The following MAP3K13 variants were observed in gnomAD, a reference collection of about 807,000 sequenced individuals.
MAP3K13 encodes mitogen-activated protein kinase kinase kinase 13, also known as leucine zipper-bearing kinase.
In MAP3K13, 52 loss-of-function variants were observed where a neutral mutation model predicts 104.0. The ratio of observed to expected loss-of-function variants is 0.50; its 90% CI spans 0.40 to 0.63. The LOEUF (loss-of-function observed/expected upper bound fraction) is 0.63. Among genes scored for constraint, MAP3K13 ranks in the 20% least tolerant of loss-of-function variants. The pLI is 0.00. For missense variants in MAP3K13, 914 were observed against 1,218.5 expected, an observed-to-expected ratio of 0.75 and a Z score of 3.72; for synonymous variants, 394 against 442.2, an observed-to-expected ratio of 0.89 and a Z score of 1.37.
chr3:185,399,281 A>T (rs931732875), intron 1 of MAP3K13, among the ~76,000 whole-genome samples: 1 of 152,058 alleles, frequency 6.6e-6, no homozygotes, highest in Non-Finnish European at 1.5e-5. Context: ...ATGGGTCCAT[A>T]AAATTTGTAA....
intron 2 of MAP3K13, among the ~76,000 whole-genome samples, chr3:185,324,034 G>A (rs985859584): frequency 3.3e-5 from 5 of 151,728 alleles, no homozygotes; most frequent in African/African-American, 7.3e-5. Context: ...TTTTTGAGAC[G>A]GAGTCTTGCT....
At chr3:185,455,299 G>T (rs866696052) in intron 7 of MAP3K13, among the ~76,000 whole-genome samples, 859 of 65,532 alleles carry the variant, frequency 0.013, 248 homozygotes, top group Middle Eastern at 0.075. Flanking sequence ...ATATATATGA[G>T]ATATATATGA....
At chr3:185,297,625 C>T (rs910500166) in intron 2 of MAP3K13, among the ~76,000 whole-genome samples, 4 of 151,836 alleles carry the variant, frequency 2.6e-5, no homozygotes, top group Middle Eastern at 3.2e-3. Flanking sequence ...ATCCCAGCTA[C>T]TCGGGAGACT....
At chr3:185,316,082 C>G (rs1286393561) in intron 2 of MAP3K13, among the ~76,000 whole-genome samples, 1 of 151,936 alleles carries the variant, frequency 6.6e-6, no homozygotes, top group African/African-American at 2.4e-5. Flanking sequence ...ACATAAAAAC[C>G]TTTGCATTGA....
chr3:185,350,556 A>G (rs577781957), intron 2 of MAP3K13, among the ~76,000 whole-genome samples: 26 of 152,284 alleles, frequency 1.7e-4, no homozygotes, highest in African/African-American at 6.0e-4. Flanking sequence ...GCTTGGGTCC[A>G]TGTTTCTTGT....
rs565971745 is a variant in MAP3K13 at position 185,379,285 on chromosome 3, C to T, written c.-86+15917C>T. 8.5e-5 allele frequency among the ~76,000 whole-genome samples: 13 copies of T among 152,326 alleles called. No individual in the cohort carries two copies. The South Asian group carries it at 1.5e-3, about 17-fold the overall frequency. On this transcript the variant is annotated intron_variant, in intron 1 of 13. Coordinates refer to ENST00000265026, the MANE Select transcript of MAP3K13 (RefSeq NM_004721.5). ...GCTGTCTTCCCGAGTCCGTGACAGA[C>T]GCCGGAGTTTTGGGTCCACGGATAA...
At chr3:185,474,190 G>A (rs1407172895) in intron 11 of MAP3K13, among the ~76,000 whole-genome samples, 1 of 152,112 alleles carries the variant, frequency 6.6e-6, no homozygotes, top group Non-Finnish European at 1.5e-5. Context: ...GCCAGGTGTG[G>A]TAGCACACAC....
chr3:185,357,826 G>T (rs1208039796), intron 2 of MAP3K13, among the ~76,000 whole-genome samples: 1 of 152,110 alleles, frequency 6.6e-6, no homozygotes. Flanking sequence ...ATTCTGAATA[G>T]CACATAAAAT....
intron 2 of MAP3K13, among the ~76,000 whole-genome samples, chr3:185,303,951 T>C (rs1187368504): frequency 6.6e-6 from 1 of 152,200 alleles, no homozygotes; most frequent in Non-Finnish European, 1.5e-5. Context: ...TATTGTGTGT[T>C]TACCACTAAT....
chr3:185,407,195 A>G (rs1713161301), intron 1 of MAP3K13, among the ~76,000 whole-genome samples: 1 of 152,080 alleles, frequency 6.6e-6, no homozygotes, highest in Admixed American at 6.6e-5. Context: ...TCTTTTTTAA[A>G]CCATTTTTTG....
chr3:185,454,592 A>ATAT (rs1269695988), intron 7 of MAP3K13, among the ~76,000 whole-genome samples: 1 of 67,742 alleles, frequency 1.5e-5, no homozygotes, highest in Non-Finnish European at 3.0e-5. Flanking sequence ...TATGATATAT[A>ATAT]GATATATATG....
At chr3:185,291,255 T>G (rs1720726940) in intron 2 of MAP3K13, among the ~76,000 whole-genome samples, 1 of 152,234 alleles carries the variant, frequency 6.6e-6, no homozygotes, top group Non-Finnish European at 1.5e-5. Flanking sequence ...TCAAAAGCTC[T>G]TTAAGACAAT....
At chr3:185,433,847 T>G (rs1714878854) in intron 2 of MAP3K13, among the ~76,000 whole-genome samples, 3 of 152,190 alleles carry the variant, frequency 2.0e-5, no homozygotes, top group Admixed American at 1.3e-4. Flanking sequence ...ATTAGTCTGT[T>G]TATCATCTTA....
chr3:185,479,691 T>C (rs1057430995), intron 12 of MAP3K13, among the ~76,000 whole-genome samples: 1 of 152,210 alleles, frequency 6.6e-6, no homozygotes, highest in African/African-American at 2.4e-5. Context: ...TGGGCTGCCA[T>C]AACAAAATAC....
At chr3:185,469,644 A>G (rs971437195) in intron 10 of MAP3K13, among the ~76,000 whole-genome samples, 4 of 152,136 alleles carry the variant, frequency 2.6e-5, no homozygotes, top group African/African-American at 9.7e-5. Flanking sequence ...AACGAAGAAA[A>G]ACCCATCTCC....
Position 185,482,458 on chromosome 3 carries a change from G to T in MAP3K13, c.*2G>T. ...CACTACAGCTCTGCTACCTGGTAAT[G>T]AAGGAATACACATCCTGAAGATCTC... On this transcript the variant is annotated 3_prime_UTR_variant, in exon 14 of 14. Transcript: ENST00000265026. The surrounding 1 kb of genome is among the most constrained non-coding windows in gnomAD (Gnocchi z 4.5). 1 of 1,604,444 alleles carries T rather than the reference G, an allele frequency of 6.2e-7. No homozygotes were observed. Among genetic ancestry groups the T allele is most frequent in the Non-Finnish European group, 8.5e-7 (1 of 1,171,396 alleles).
intron 7 of MAP3K13, among the ~76,000 whole-genome samples, chr3:185,457,251 G>A (rs921618827): frequency 6.6e-6 from 1 of 152,192 alleles, no homozygotes; most frequent in African/African-American, 2.4e-5. Context: ...GAAAAGGAGA[G>A]GAGAGAACAG....
upstream of MAP3K13, among the ~76,000 whole-genome samples, chr3:185,359,929 A>AT (rs1030861642): frequency 1.3e-5 from 2 of 150,638 alleles, no homozygotes; most frequent in South Asian, 2.1e-4. Flanking sequence ...TTAAAAACAC[A>AT]TTTTTTTCCT....
intron 2 of MAP3K13, among the ~76,000 whole-genome samples, chr3:185,325,100 G>A (rs1722001893): frequency 6.6e-6 from 1 of 152,188 alleles, no homozygotes; most frequent in South Asian, 2.1e-4. Context: ...AATAATTTGG[G>A]TGAAATCATG....
Sources: allele counts gnomAD v4.1 joint callset (sites outside exome capture counted in the v4.1 genomes callset), GRCh38; gene constraint gnomAD v4.1.1; non-coding constraint Gnocchi (gnomAD v3.1); transcripts MANE v1.5; gene names NCBI Gene and HGNC (gene_info 2026-07-23, HGNC 2026-07-21).